The following RALY variants were observed in gnomAD, a reference collection of about 807,000 sequenced individuals.
The protein encoded by RALY is RALY heterogeneous nuclear ribonucleoprotein.
Under a neutral mutation model 30.7 loss-of-function variants are expected in RALY, and 15 were observed. The observed-to-expected ratio is 0.49, with a 90% CI of 0.33 to 0.75. The LOEUF is 0.75. RALY is among the 30% of genes least tolerant of loss of function. RALY has a pLI of 0.02. For synonymous variants in RALY, 177 were observed against 170.8 expected (o/e 1.04, Z -0.28); for missense variants, 339 against 414.3 (o/e 0.82, Z 1.58).
intron 2 of RALY, among the ~76,000 whole-genome samples, chr20:34,065,993 T>C (rs1377550155): frequency 2.0e-5 from 3 of 152,198 alleles, no homozygotes; most frequent in South Asian, 4.2e-4. Context: ...CTAGACTTGA[T>C]CTGATAGGAT....
At chr20:34,016,285 T>G (rs1190657944) in intron 1 of RALY, among the ~76,000 whole-genome samples, 1 of 152,190 alleles carries the variant, frequency 6.6e-6, no homozygotes, top group African/African-American at 2.4e-5. Flanking sequence ...TAGCAGACTG[T>G]TAGGAAGTTG....
rs541852221 is a variant in RALY at position 34,011,846 on chromosome 20, G to A, written c.-93+17715G>A. On this transcript the variant is annotated intron_variant, in intron 1 of 9. Transcript: ENST00000246194. Reference sequence around the variant, plus strand: ...TTTGGGAGGCCAAGGCAGGCAGATCGCTTGAGGTCAGGAGTTCAAGACTAG... The same window carrying A: ...TTTGGGAGGCCAAGGCAGGCAGATCACTTGAGGTCAGGAGTTCAAGACTAG... 3.8e-4 allele frequency among the ~76,000 whole-genome samples: 58 copies of A among 152,146 alleles called. 1 individual carries two copies. Among genetic ancestry groups the A allele is most frequent in the Non-Finnish European group, 6.8e-4 (46 of 68,002 alleles).
rs77327097 is a variant in RALY, at chr20:34,058,000, T to C, written c.-9-14066T>C. Reference sequence around the variant, plus strand: ...CCCTTTCTCCTGCAGCTGAGACACCTATTACAGTTTTGGAGAAACTTTTTT... The same window carrying C: ...CCCTTTCTCCTGCAGCTGAGACACCCATTACAGTTTTGGAGAAACTTTTTT... On this transcript the variant is annotated intron_variant, in intron 2 of 9. Transcript: ENST00000246194. 2.0e-5 allele frequency among the ~76,000 whole-genome samples: 3 copies of C among 152,292 alleles called. No homozygotes were observed. In the East Asian group the frequency reaches 5.8e-4, roughly 29 times the overall value.
chr20:34,002,325 A>C (rs775112140), intron 1 of RALY, among the ~76,000 whole-genome samples: 66 of 152,196 alleles, frequency 4.3e-4, no homozygotes, highest in Middle Eastern at 3.2e-3. Flanking sequence ...ATGATTATTT[A>C]TGCTTGGGAG....
In RALY at chr20:34,024,864, A is replaced by G. The variant is rs559973111; in HGVS notation, c.-92-6658A>G. Among the ~76,000 whole-genome samples, 15 of 152,328 alleles carry G rather than the reference A, an allele frequency of 9.8e-5. No individual in the cohort carries two copies. The South Asian group carries it at 3.1e-3, about 32-fold the overall frequency. Reference sequence around the variant, plus strand: ...CCAGTCACAAGAGTCAAGGTCAGGTATCCTTGTGAGGGGAGGAGTCTGGGA... The same window carrying G: ...CCAGTCACAAGAGTCAAGGTCAGGTGTCCTTGTGAGGGGAGGAGTCTGGGA... On this transcript the variant is annotated intron_variant, in intron 1 of 9. Transcript: ENST00000246194.
At chr20:34,059,059 A>AC (rs1254497840) in intron 2 of RALY, among the ~76,000 whole-genome samples, 1 of 152,106 alleles carries the variant, frequency 6.6e-6, no homozygotes, top group Admixed American at 6.6e-5. Context: ...AACATGTGAC[A>AC]CTGTGGGAGA....
chr20:33,995,974 C>A (rs914729946), intron 1 of RALY, among the ~76,000 whole-genome samples: 14 of 152,210 alleles, frequency 9.2e-5, no homozygotes, highest in Non-Finnish European at 1.9e-4. Flanking sequence ...CCACCCCTTT[C>A]TGTGCCTTAT....
intron 2 of RALY, among the ~76,000 whole-genome samples, chr20:34,044,368 C>G (rs914700953): frequency 1.3e-5 from 2 of 151,660 alleles, no homozygotes; most frequent in Admixed American, 6.6e-5. Context: ...TCTTATTGCC[C>G]AGACCGGAAT....
chr20:34,057,666 C>CAAAA (rs548450019), intron 2 of RALY, among the ~76,000 whole-genome samples: 22 of 67,254 alleles, frequency 3.3e-4, no homozygotes, highest in East Asian at 9.9e-4. Flanking sequence ...GACTCCGTCT[C>CAAAA]AAAAAAAAAA....
intron 1 of RALY, among the ~76,000 whole-genome samples, chr20:34,008,370 T>C (rs1015130338): frequency 6.6e-6 from 1 of 152,232 alleles, no homozygotes; most frequent in African/African-American, 2.4e-5. Context: ...TTTAGCGTTG[T>C]ACTGTTCACT....
intron 2 of RALY, among the ~76,000 whole-genome samples, chr20:34,066,527 T>C (rs755098476): frequency 5.9e-5 from 9 of 152,286 alleles, no homozygotes; most frequent in East Asian, 3.9e-4. Flanking sequence ...TCGCACATGA[T>C]AGAAGACACA....
At chr20:34,062,022 A>G (rs1225060517) in intron 2 of RALY, among the ~76,000 whole-genome samples, 1 of 152,206 alleles carries the variant, frequency 6.6e-6, no homozygotes, top group Non-Finnish European at 1.5e-5. Flanking sequence ...CCTCAAGGAT[A>G]TGCCACATGA....
Position 34,084,873 on chromosome 20 carries a change from T to G in RALY, c.*4968T>G, listed in dbSNP as rs2034078345. 6.6e-6 allele frequency: 1 copy of G among 152,278 alleles called. No homozygotes were observed. The highest frequency in any genetic ancestry group is 2.1e-4 in the South Asian group (1 of 4,836). 9.4% of individuals were successfully genotyped at this position (152,278 alleles called of 1,614,324 possible). On this transcript the variant is annotated 3_prime_UTR_variant, in exon 10 of 10. Transcript: ENST00000246194. ...CCATGAGAGATAATAAAACGTTGTTTGAAGATGCTAACTTTTGGAGTGATT... is the reference window on the plus strand; with the variant it reads ...CCATGAGAGATAATAAAACGTTGTTGGAAGATGCTAACTTTTGGAGTGATT...
intron 2 of RALY, among the ~76,000 whole-genome samples, chr20:34,068,279 C>T (rs1321054787): frequency 6.6e-6 from 1 of 152,158 alleles, no homozygotes; most frequent in Non-Finnish European, 1.5e-5. Flanking sequence ...TGAAGTAGCT[C>T]CTGCTGAATG....
At chr20:34,067,842 T>A (rs1254374566) in intron 2 of RALY, among the ~76,000 whole-genome samples, 1 of 143,746 alleles carries the variant, frequency 7.0e-6, no homozygotes, top group Non-Finnish European at 1.5e-5. Flanking sequence ...TGAGACACTG[T>A]GCTCTCTCCC....
intron 2 of RALY, among the ~76,000 whole-genome samples, chr20:34,068,434 C>G (rs778456350): frequency 1.3e-5 from 2 of 152,136 alleles, no homozygotes; most frequent in African/African-American, 2.4e-5. Context: ...GACCTCTGCC[C>G]TAGTGGTCCT....
At chr20:34,072,437 A>C (rs1200028996) in intron 3 of RALY, 107 bp downstream of exon 3, 1 of 1,362,886 alleles carries the variant, frequency 7.3e-7, no homozygotes, top group African/African-American at 1.5e-5. Context: ...CACTGCTCTG[A>C]GATTTTATAA....
chr20:34,021,798 G>A (rs1403693104), intron 1 of RALY, among the ~76,000 whole-genome samples: 1 of 151,954 alleles, frequency 6.6e-6, no homozygotes, highest in Admixed American at 6.5e-5. Flanking sequence ...ATAAAGAAAA[G>A]ACTCATCAGT....
intron 1 of RALY, among the ~76,000 whole-genome samples, chr20:34,001,361 A>G (rs190763079): frequency 5.6e-4 from 86 of 152,370 alleles, no homozygotes; most frequent in Admixed American, 2.5e-3. Flanking sequence ...TATGGAGTAG[A>G]TGCCTCTACT....
Sources: gnomAD v4.1 joint callset for allele counts (sites outside exome capture counted in the v4.1 genomes callset) on GRCh38, gnomAD v4.1.1 for gene constraint, MANE v1.5 for transcripts, NCBI Gene and HGNC (gene_info 2026-07-23, HGNC 2026-07-21) for gene names.